ST13: variants seen among roughly 807,000 people sequenced by gnomAD.
ST13 encodes the protein hsc70-interacting protein.
In ST13, 23 loss-of-function variants were observed where a neutral mutation model predicts 56.7. That is an observed-to-expected ratio of 0.41 (90% CI 0.29 to 0.57). The LOEUF (loss-of-function observed/expected upper bound fraction) is 0.57. ST13 is among the 20% of genes least tolerant of loss of function. The pLI, the probability that ST13 is intolerant of heterozygous loss-of-function variation, is 0.36. For missense variants in ST13, 369 were observed against 459.9 expected (o/e 0.80, Z 1.81); for synonymous variants, 132 against 142.4 (o/e 0.93, Z 0.52).
chr22:40,847,296 G>A (rs2057836886), intron 3 of ST13, among the ~76,000 whole-genome samples: 1 of 147,566 alleles, frequency 6.8e-6, no homozygotes, highest in Non-Finnish European at 1.5e-5. Flanking sequence ...ACACTTTGGA[G>A]GCCAAGGCAG....
intron 8 of ST13, 102 bp downstream of exon 8, chr22:40,832,467 T>C: frequency 2.4e-6 from 2 of 825,464 alleles, no homozygotes; most frequent in Non-Finnish European, 4.0e-6. Context: ...CAATGGTTTG[T>C]TTCTTTGCCT....
intron 2 of ST13, among the ~76,000 whole-genome samples, chr22:40,849,987 A>G (rs2057853168): frequency 6.6e-6 from 1 of 151,624 alleles, no homozygotes; most frequent in Admixed American, 6.6e-5. Context: ...ATTCTGGGCC[A>G]GGCATGGTGG....
intron 4 of ST13, among the ~76,000 whole-genome samples, chr22:40,841,616 TTTTA>T (rs1601467729): frequency 6.6e-6 from 1 of 152,208 alleles, no homozygotes; most frequent in Non-Finnish European, 1.5e-5. Context: ...AAAAATAATG[TTTTA>T]TTTAAAGACA....
intron 7 of ST13, among the ~76,000 whole-genome samples, chr22:40,834,618 A>T (rs2057769056): frequency 6.6e-6 from 1 of 152,240 alleles, no homozygotes; most frequent in Admixed American, 6.5e-5. Context: ...AGCAATGAAC[A>T]GACACAGTGA....
intron 1 of ST13, among the ~76,000 whole-genome samples, chr22:40,853,781 G>A (rs1455016170): frequency 6.6e-6 from 1 of 152,086 alleles, no homozygotes; most frequent in Non-Finnish European, 1.5e-5. Flanking sequence ...CTGTACTAGG[G>A]AGTAGAAAAC....
At chr22:40,827,381 C>T in intron 10 of ST13, 152 bp from the exon 11 acceptor site, 2 of 706,058 alleles carry the variant, frequency 2.8e-6, no homozygotes, top group South Asian at 3.8e-5. Context: ...TGCAACAAGA[C>T]ATAAGTTATA....
At chr22:40,828,600 G>A (rs544164652) in intron 10 of ST13, among the ~76,000 whole-genome samples, 44 of 151,806 alleles carry the variant, frequency 2.9e-4, no homozygotes, top group Non-Finnish European at 5.7e-4. Flanking sequence ...GCGACAGAGC[G>A]AGGCTCTGTC....
chr22:40,856,356 GAGCCAGGTCC>G, intron 1 of ST13, 65 bp downstream of exon 1: 1 of 1,345,320 alleles, frequency 7.4e-7, no homozygotes, highest in Non-Finnish European at 1.1e-6. Context: ...CCGCCGGACC[GAGCCAGGTCC>G]AGCCTGGCTC....
chr22:40,835,923 A>T (rs775545602), intron 5 of ST13, 36 bp from the exon 6 acceptor site: 5 of 1,492,486 alleles, frequency 3.4e-6, no homozygotes, highest in Non-Finnish European at 4.6e-6. Flanking sequence ...AAATATTCAG[A>T]GGATAAAAAT....
intron 4 of ST13, among the ~76,000 whole-genome samples, chr22:40,844,526 T>C (rs939451005): frequency 1.3e-5 from 2 of 152,306 alleles, no homozygotes; most frequent in Non-Finnish European, 1.5e-5. Flanking sequence ...CAAACCATTC[T>C]GTAATACAAT....
intron 10 of ST13, 147 bp from the exon 11 acceptor site, chr22:40,827,376 C>T (rs1005180143): frequency 1.4e-6 from 1 of 727,182 alleles, no homozygotes; most frequent in Non-Finnish European, 2.3e-6. Flanking sequence ...CAGACTGCAA[C>T]AAGACATAAG....
chr22:40,829,550 T>C (rs2057744407), intron 10 of ST13, 76 bp downstream of exon 10: 2 of 671,794 alleles, frequency 3.0e-6, no homozygotes, highest in African/African-American at 3.7e-5. Flanking sequence ...TATCACTTTA[T>C]AATAAATATT....
intron 1 of ST13, among the ~76,000 whole-genome samples, chr22:40,855,328 A>T (rs181320504): frequency 6.6e-6 from 1 of 152,254 alleles, no homozygotes; most frequent in East Asian, 1.9e-4. Context: ...TCGATCCCGC[A>T]CTGCTAGCCA....
intron 10 of ST13, among the ~76,000 whole-genome samples, chr22:40,829,106 A>G (rs2057742133): frequency 1.3e-5 from 2 of 152,140 alleles, no homozygotes; most frequent in African/African-American, 4.8e-5. Flanking sequence ...CTGTGCACAT[A>G]CTCTTTCAGA....
intron 9 of ST13, among the ~76,000 whole-genome samples, chr22:40,830,157 G>A (rs1444933488): frequency 1.2e-4 from 18 of 151,992 alleles, no homozygotes. Flanking sequence ...AATTATTGAG[G>A]AGATATATTG....
chr22:40,852,888 C>G (rs1237382637), intron 1 of ST13, among the ~76,000 whole-genome samples: 3 of 152,144 alleles, frequency 2.0e-5, no homozygotes, highest in African/African-American at 7.2e-5. Flanking sequence ...TCCTAAGTTT[C>G]AAAATGCAGC....
intron 2 of ST13, among the ~76,000 whole-genome samples, chr22:40,849,520 T>C (rs1469847557): frequency 2.7e-5 from 4 of 147,876 alleles, no homozygotes; most frequent in Admixed American, 2.7e-4. Context: ...ACCAAAAACC[T>C]ACCTTGTCAC....
intron 10 of ST13, among the ~76,000 whole-genome samples, chr22:40,827,593 T>C (rs1488076731): frequency 1.3e-5 from 2 of 152,210 alleles, no homozygotes; most frequent in African/African-American, 4.8e-5. Flanking sequence ...TTCTCCTGCC[T>C]CAGCCTTCTG....
intron 5 of ST13, among the ~76,000 whole-genome samples, chr22:40,837,751 AG>A (rs1460107131): frequency 6.6e-6 from 1 of 152,182 alleles, no homozygotes; most frequent in Non-Finnish European, 1.5e-5. Flanking sequence ...CCCAGCCTCA[AG>A]GGAACCTCCC....
Sources: allele counts gnomAD v4.1 joint callset (sites outside exome capture counted in the v4.1 genomes callset), GRCh38; gene constraint gnomAD v4.1.1; transcripts MANE v1.5; gene names NCBI Gene and HGNC (gene_info 2026-07-23, HGNC 2026-07-21).